Variants in PDE6C observed in about 807,000 individuals in gnomAD.
The protein encoded by PDE6C is cone cGMP-specific 3',5'-cyclic phosphodiesterase subunit alpha'.
PDE6C carries 75 observed loss-of-function variants against 113.1 expected under a neutral mutation model. The ratio of observed to expected loss-of-function variants is 0.66; its 90% CI spans 0.55 to 0.80. The LOEUF (loss-of-function observed/expected upper bound fraction) is 0.80, where lower values mean the gene tolerates loss of function less well. PDE6C is among the 30% of genes least tolerant of loss of function. The pLI is 0.00. For missense variants in PDE6C, 912 were observed against 1,038.6 expected, an observed-to-expected ratio of 0.88 and a Z score of 1.67; for synonymous variants, 375 against 363.7, an observed-to-expected ratio of 1.03 and a Z score of -0.35.
At chr10:93,635,774 G>A (rs2058526147) in intron 10 of PDE6C, 134 bp downstream of exon 10, 1 of 953,576 alleles carries the variant, frequency 1.0e-6, no homozygotes, top group Admixed American at 2.0e-5. Context: ...AGGGAAGGAG[G>A]GGTTGGAAGA....
At chr10:93,628,718 G>A (rs1168156767) in intron 7 of PDE6C, among the ~76,000 whole-genome samples, 3 of 152,134 alleles carry the variant, frequency 2.0e-5, no homozygotes, top group African/African-American at 7.2e-5. Flanking sequence ...CCAAAGTTGA[G>A]TGATTTCTTG....
chr10:93,624,859 C>G (rs1464538682), intron 4 of PDE6C, among the ~76,000 whole-genome samples: 1 of 152,182 alleles, frequency 6.6e-6, no homozygotes, highest in Admixed American at 6.5e-5. Context: ...CTACCTGCAG[C>G]GTGCTGGTGA....
Position 93,612,808 on chromosome 10 carries a change from T to A in PDE6C, c.83T>A (p.Leu28Ter). ...GCCAAGGAGTACTTTGACAGGAAGT[T>A]GCGGGTGGAGGTGCTGGGAGAAATC... ...QFAKEYFDRK[L>*]RVEVLGEIFK... Residue 28 changes from leucine (L) to a stop codon, truncating the protein, a stop_gained, in exon 1 of 22, where the codon TTG becomes TAG. Transcript: ENST00000371447. LOFTEE classifies it high-confidence loss of function. 2 of 1,614,106 alleles carry A rather than the reference T, an allele frequency of 1.2e-6. No homozygotes were observed. The highest frequency in any genetic ancestry group is 1.7e-6 in the Non-Finnish European group (2 of 1,180,016).
chr10:93,617,201 A>G (rs1312811393), intron 1 of PDE6C, among the ~76,000 whole-genome samples: 1 of 152,142 alleles, frequency 6.6e-6, no homozygotes, highest in Non-Finnish European at 1.5e-5. Context: ...TCTCTGAAGA[A>G]CCATCAAGGG....
intron 18 of PDE6C, among the ~76,000 whole-genome samples, chr10:93,661,541 G>C (rs1406460269): frequency 6.6e-6 from 1 of 152,052 alleles, no homozygotes; most frequent in African/African-American, 2.4e-5. Flanking sequence ...ATTCCTCTTG[G>C]CAAGCCTGGC....
Position 93,612,575 on chromosome 10 carries a change from C to T in PDE6C, c.-151C>T. 3 of 1,039,588 alleles carry T rather than the reference C, an allele frequency of 2.9e-6. No individual in the cohort carries two copies. Among genetic ancestry groups the T allele is most frequent in the East Asian group, 2.4e-5 (1 of 41,714 alleles). 64.4% of individuals were successfully genotyped at this position (1,039,588 alleles called of 1,614,324 possible). On this transcript the variant is annotated 5_prime_UTR_variant, in exon 1 of 22. Transcript: ENST00000371447. Reference sequence around the variant, plus strand: ...AGTTACAGGCAGTTTGAAAGCTCTGCTTTCTGCTTGACCTTTGGAAGTCCT... The same window carrying T: ...AGTTACAGGCAGTTTGAAAGCTCTGTTTTCTGCTTGACCTTTGGAAGTCCT...
At chr10:93,640,351 TA>T in intron 12 of PDE6C, 98 bp from the exon 13 acceptor site, 1 of 1,235,114 alleles carries the variant, frequency 8.1e-7, no homozygotes, top group Non-Finnish European at 1.2e-6. Context: ...GCTTAACCCC[TA>T]TCTACAAGAC....
intron 4 of PDE6C, among the ~76,000 whole-genome samples, chr10:93,623,117 A>G (rs1353657041): frequency 3.9e-5 from 6 of 152,152 alleles, no homozygotes; most frequent in South Asian, 2.1e-4. Context: ...GCAGTTGTTA[A>G]TGTCAGTATT....
intron 9 of PDE6C, among the ~76,000 whole-genome samples, 175 bp downstream of exon 9, chr10:93,635,082 G>A (rs554641038): frequency 7.9e-5 from 12 of 152,226 alleles, no homozygotes; most frequent in Admixed American, 3.3e-4. Context: ...TCTATAAACT[G>A]CAACATTTTC....
intron 15 of PDE6C, among the ~76,000 whole-genome samples, chr10:93,652,667 A>G (rs1040247520): frequency 6.6e-6 from 1 of 152,230 alleles, no homozygotes; most frequent in Admixed American, 6.5e-5. Context: ...AAGGTATAAG[A>G]GTAAACAGTA....
intron 18 of PDE6C, among the ~76,000 whole-genome samples, chr10:93,659,985 G>T (rs1420300275): frequency 3.9e-5 from 6 of 152,198 alleles, no homozygotes; most frequent in Non-Finnish European, 8.8e-5. Flanking sequence ...GGAGGCACTA[G>T]TCTACCACTT....
intron 9 of PDE6C, among the ~76,000 whole-genome samples, chr10:93,635,186 T>A (rs1318288310): frequency 1.3e-5 from 2 of 152,180 alleles, no homozygotes; most frequent in African/African-American, 4.8e-5. Context: ...CACTCCTCCT[T>A]CCTGTTCCCT....
At position 93,637,119 on chromosome 10, in the gene PDE6C, T is replaced by C. The variant is rs941964416; in HGVS notation, c.1482+56T>C. 1.4e-5 allele frequency: 12 copies of C among 858,584 alleles called. No individual in the cohort carries two copies. In the African/African-American group the frequency reaches 1.8e-4, roughly 13 times the overall value. 53.2% of individuals were successfully genotyped at this position (858,584 alleles called of 1,614,324 possible). ...GTTAAATAGAGGCATTATAAATCAA[T>C]AATATATTAGGACATGCTTTCTTGT... is the stretch of plus-strand genomic sequence containing the variant. On this transcript the variant is annotated intron_variant, in intron 11 of 21. Coordinates refer to ENST00000371447, the MANE Select transcript of PDE6C (RefSeq NM_006204.4).
intron 6 of PDE6C, 45 bp from the exon 7 acceptor site, chr10:93,626,760 G>T: frequency 1.2e-6 from 2 of 1,606,170 alleles, no homozygotes; most frequent in South Asian, 1.1e-5. Flanking sequence ...TGCACATATT[G>T]CATTTCTCTA....
intron 1 of PDE6C, among the ~76,000 whole-genome samples, chr10:93,619,580 C>A (rs1171462714): frequency 6.6e-6 from 1 of 152,184 alleles, no homozygotes. Context: ...GGGCGTGCCA[C>A]CACGCTTGGC....
intron 15 of PDE6C, 127 bp downstream of exon 15, chr10:93,646,174 C>A (rs2058583565): frequency 1.5e-6 from 1 of 653,636 alleles, no homozygotes; most frequent in Non-Finnish European, 2.8e-6. Flanking sequence ...TTGTTGAAGT[C>A]AATTGATAGA....
chr10:93,662,935 G>GT (rs998996093), intron 20 of PDE6C, 93 bp from the exon 21 acceptor site: 12 of 1,158,242 alleles, frequency 1.0e-5, no homozygotes, highest in South Asian at 5.2e-5. Flanking sequence ...TCTGAGTGCT[G>GT]TAACAATTCC....
At chr10:93,629,423 C>A in intron 8 of PDE6C, 118 bp downstream of exon 8, 1 of 800,438 alleles carries the variant, frequency 1.2e-6, no homozygotes, top group Non-Finnish European at 2.3e-6. Context: ...CAGGCACACA[C>A]GGGTCCATCT....
chr10:93,663,300 GATC>G, intron 21 of PDE6C, 122 bp downstream of exon 21: 1 of 976,862 alleles, frequency 1.0e-6, no homozygotes, highest in Non-Finnish European at 1.6e-6. Flanking sequence ...GGTGCAGACT[GATC>G]ATTTTAACAG....
Sources: gnomAD v4.1 joint callset for allele counts (sites outside exome capture counted in the v4.1 genomes callset) on GRCh38, gnomAD v4.1.1 for gene constraint, MANE v1.5 for transcripts, NCBI Gene and HGNC (gene_info 2026-07-23, HGNC 2026-07-21) for gene names.